Variants in TEAD3 observed in about 807,000 individuals in gnomAD.
TEAD3 encodes the protein TEA domain transcription factor 3.
Under a neutral mutation model 55.6 loss-of-function variants are expected in TEAD3, and 15 were observed. The observed-to-expected ratio is 0.27, with a 90% confidence interval of 0.18 to 0.42. The LOEUF is 0.42. Among genes scored for constraint, TEAD3 ranks in the 10% least tolerant of loss-of-function variants. The pLI is 1.00. For synonymous variants in TEAD3, 210 were observed against 232.2 expected (o/e 0.90, Z 0.87); for missense variants, 407 against 576.8 (o/e 0.71, Z 3.01).
chr6:35,479,031 C>T (rs1230312376), intron 5 of TEAD3, among the ~76,000 whole-genome samples: 1 of 152,054 alleles, frequency 6.6e-6, no homozygotes, highest in Non-Finnish European at 1.5e-5. Context: ...AGGCATTCGT[C>T]ACCATGCCTG....
downstream of TEAD3, chr6:35,473,667 T>C (rs1768080835): frequency 7.0e-6 from 1 of 143,686 alleles, no homozygotes; most frequent in East Asian, 2.1e-4. Flanking sequence ...GAGCTGGGCC[T>C]TTGAGGGCCC....
At chr6:35,493,603 A>G (rs528716802) in intron 1 of TEAD3, among the ~76,000 whole-genome samples, 1 of 152,328 alleles carries the variant, frequency 6.6e-6, no homozygotes, top group East Asian at 1.9e-4. Flanking sequence ...TCATACTGAC[A>G]CAGAGCTGGT....
rs916192601 is a variant in TEAD3 at position 35,484,797 on chromosome 6, G to A, written c.203-173C>T. Among the ~76,000 whole-genome samples, 1 of 152,188 alleles carries A rather than the reference G, an allele frequency of 6.6e-6. No homozygotes were observed. The highest frequency in any genetic ancestry group is 1.5e-5 in the Non-Finnish European group (1 of 68,020). Reference sequence around the variant, plus strand: ...CAGGGCATGCAAAGGTGGCTGGGGAGTCACAGCTGCATCCTACCACCTCCA... The same window carrying A: ...CAGGGCATGCAAAGGTGGCTGGGGAATCACAGCTGCATCCTACCACCTCCA... On this transcript the variant is annotated intron_variant, in intron 2 of 12. Coordinates refer to ENST00000639578, the Ensembl canonical transcript of TEAD3. The surrounding 1 kb of genome is among the most constrained non-coding windows in gnomAD (Gnocchi z 5.8).
chr6:35,486,417 C>CA lies in TEAD3; in HGVS notation c.202+43dup. ...ACCGGTTGGGTGAGAGGGCAGAGAG[C>CA]AGGGGGAAGGGCCGCAGTCCCGCCC... is the stretch of plus-strand genomic sequence containing the variant. On this transcript the variant is annotated intron_variant, in intron 2 of 12. Coordinates refer to ENST00000639578, the Ensembl canonical transcript of TEAD3. This position sits in a 1 kb window ranked among gnomAD's most constrained non-coding sequence, Gnocchi z 7.3. 1.9e-6 allele frequency: 3 copies of CA among 1,578,362 alleles called. No individual in the cohort carries two copies. Among genetic ancestry groups the CA allele is most frequent in the Non-Finnish European group, 2.6e-6 (3 of 1,158,864 alleles).
chr6:35,486,460 C>CCGTA lies in TEAD3; in HGVS notation c.199_202dup (p.Gly68ValfsTer5). 6.2e-7 allele frequency: 1 copy of CCGTA among 1,612,056 alleles called. No homozygotes were observed. The stretch of plus-strand genomic sequence containing the variant: ...TCCCGCCCGCGCCCCCCGGCACGCA[C>CCGTA]CGTACATCTTGCCCTCGTCTGACAG... On this transcript the variant is annotated frameshift_variant and splice_region_variant. Transcript: ENST00000639578. LOFTEE classifies it high-confidence loss of function. This position sits in a 1 kb window ranked among gnomAD's most constrained non-coding sequence, Gnocchi z 7.3.
intron 3 of TEAD3, 129 bp from the exon 4 acceptor site, chr6:35,480,503 C>T (rs1264211716): frequency 3.2e-6 from 3 of 943,920 alleles, no homozygotes; most frequent in Non-Finnish European, 4.9e-6. Context: ...AATGGGGGGA[C>T]CTTTTTTCTT....
chr6:35,492,257 G>C (rs998512064), intron 1 of TEAD3, among the ~76,000 whole-genome samples: 2 of 152,098 alleles, frequency 1.3e-5, no homozygotes, highest in African/African-American at 4.8e-5. Flanking sequence ...CTGACCAGCC[G>C]GGGGGGTCGA....
At chr6:35,494,649 G>A (rs976716234) in intron 1 of TEAD3, among the ~76,000 whole-genome samples, 22 of 152,152 alleles carry the variant, frequency 1.4e-4, no homozygotes, top group African/African-American at 4.6e-4. Flanking sequence ...TTAGACCCCT[G>A]GGCTCCTCTC....
At chr6:35,478,454 C>T (rs1381593769) in exon 6 of TEAD3, 23 of 1,613,234 alleles carry the variant, frequency 1.4e-5, no homozygotes, top group South Asian at 9.9e-5. Context: ...GTGGAGAAGA[C>T]GGCCTGGGGC....
At position 35,480,083 on chromosome 6, in the gene TEAD3, G is replaced by A. The variant is rs1369551686; in HGVS notation, c.307C>T (p.Arg103Trp). 22 of 1,534,150 alleles carry A rather than the reference G, an allele frequency of 1.4e-5. No individual in the cohort carries two copies. In the South Asian group the frequency reaches 1.6e-4, roughly 11 times the overall value. The stretch of plus-strand genomic sequence containing the variant: ...ACCTTCAGCTTAGACTGAATCTCCC[G>A]AGATTTCCGCCTGGCTAGAACTTGC... Residue 103 changes from arginine to tryptophan, a missense_variant, in exon 4 of 13, where the codon CGG becomes TGG. Physicochemically the swap from Arg to Trp is moderately radical, Grantham distance 101. Transcript: ENST00000639578.
chr6:35,482,966 T>C (rs1768293632), intron 3 of TEAD3, among the ~76,000 whole-genome samples: 1 of 152,176 alleles, frequency 6.6e-6, no homozygotes, highest in Admixed American at 6.5e-5. Flanking sequence ...CTTACGCTGT[T>C]CTAAGAGTCT....
Position 35,483,722 on chromosome 6 carries a change from G to A in TEAD3, c.267+838C>T, listed in dbSNP as rs1034302880. Among the ~76,000 whole-genome samples, 1 of 152,016 alleles carries A rather than the reference G, an allele frequency of 6.6e-6. No homozygotes were observed. Among genetic ancestry groups the A allele is most frequent in the Non-Finnish European group, 1.5e-5 (1 of 68,002 alleles). ...TCCTGTAGCCCACCGCTGCCCCTTGGGGAACCTGTCCCCCATGTCTCCTGC... is the reference window on the plus strand; with the variant it reads ...TCCTGTAGCCCACCGCTGCCCCTTGAGGAACCTGTCCCCCATGTCTCCTGC... On this transcript the variant is annotated intron_variant, in intron 3 of 12. Coordinates refer to ENST00000639578, the Ensembl canonical transcript of TEAD3. The surrounding 1 kb of genome is among the most constrained non-coding windows in gnomAD (Gnocchi z 4.5).
At position 35,496,838 on chromosome 6, in the gene TEAD3, GCCGA is replaced by G. The variant is rs1343471115; in HGVS notation, c.-50+56_-50+59del. 1 of 152,294 alleles carries G rather than the reference GCCGA, an allele frequency of 6.6e-6. No individual in the cohort carries two copies. Among genetic ancestry groups the G allele is most frequent in the East Asian group, 1.9e-4 (1 of 5,146 alleles). 9.4% of individuals were successfully genotyped at this position (152,294 alleles called of 1,614,324 possible). Reference sequence around the variant, plus strand: ...GAGTGTCGCCCCCCCAGCCAGCCCAGCCGACCAACCAAACCACCTCTCCCGAGCG... The same window carrying G: ...GAGTGTCGCCCCCCCAGCCAGCCCAGCCAACCAAACCACCTCTCCCGAGCG... On this transcript the variant is annotated intron_variant, in intron 1 of 12. Transcript: ENST00000639578. This position sits in a 1 kb window ranked among gnomAD's most constrained non-coding sequence, Gnocchi z 4.8.
intron 1 of TEAD3, among the ~76,000 whole-genome samples, chr6:35,489,927 G>A (rs1204443020): frequency 6.6e-6 from 1 of 151,982 alleles, no homozygotes; most frequent in Non-Finnish European, 1.5e-5. Context: ...AGGGGACAGG[G>A]GTGTGCTAGC....
chr6:35,477,070 C>T (rs1768163229), intron 8 of TEAD3, among the ~76,000 whole-genome samples: 1 of 152,222 alleles, frequency 6.6e-6, no homozygotes, highest in African/African-American at 2.4e-5. Context: ...ATCCACCTGC[C>T]TCAGCCTCCC....
intron 1 of TEAD3, among the ~76,000 whole-genome samples, chr6:35,493,935 A>G (rs1768587809): frequency 6.6e-6 from 1 of 152,160 alleles, no homozygotes; most frequent in East Asian, 1.9e-4. Flanking sequence ...CCTGGCACAC[A>G]CAGAACATCC....
At chr6:35,489,696 G>A (rs7740891) in intron 1 of TEAD3, among the ~76,000 whole-genome samples, 46,768 of 151,794 alleles carry the variant, frequency 0.31, 7,588 homozygotes, top group African/African-American at 0.39. Context: ...ACTCCTCAAC[G>A]AGAGGGGAAT....
exon 8 of TEAD3, chr6:35,477,345 G>A (rs374256755): frequency 5.5e-5 from 89 of 1,604,392 alleles, no homozygotes; most frequent in Non-Finnish European, 7.2e-5. Context: ...GCTGGATGGG[G>A]TAGGCTGGCT....
At chr6:35,476,138 A>C in intron 9 of TEAD3, 46 bp from the exon 10 acceptor site, 1 of 1,538,552 alleles carries the variant, frequency 6.5e-7, no homozygotes, top group Admixed American at 2.0e-5. Context: ...TCAGGCTTGC[A>C]GGCCCGGGGG....
Sources: allele counts gnomAD v4.1 joint callset (sites outside exome capture counted in the v4.1 genomes callset), GRCh38; gene constraint gnomAD v4.1.1; non-coding constraint Gnocchi (gnomAD v3.1); transcripts MANE v1.5; gene names NCBI Gene and HGNC (gene_info 2026-07-23, HGNC 2026-07-21).